DGKI: variants seen among roughly 807,000 people sequenced by gnomAD.
DGKI encodes DAG kinase iota.
In DGKI, 55 loss-of-function variants were observed where a neutral mutation model predicts 147.5. That is an observed-to-expected ratio of 0.37 (90% CI 0.30 to 0.47). The LOEUF (loss-of-function observed/expected upper bound fraction) is 0.47. Ranked by LOEUF, DGKI falls within the 20% of genes least tolerant of loss-of-function variation. The pLI is 1.00. For missense variants in DGKI, 1,007 were observed against 1,323.8 expected (o/e 0.76, Z 3.71); for synonymous variants, 469 against 477.1 (o/e 0.98, Z 0.22).
At chr7:137,605,140 T>C (rs1476316258) in intron 10 of DGKI, among the ~76,000 whole-genome samples, 1 of 151,838 alleles carries the variant, frequency 6.6e-6, no homozygotes, top group Non-Finnish European at 1.5e-5. Flanking sequence ...AAACCCCGTC[T>C]CTACTAAAAA....
intron 1 of DGKI, chr7:137,722,610 C>T: frequency 1.3e-6 from 2 of 1,584,750 alleles, no homozygotes; most frequent in Non-Finnish European, 1.7e-6. Context: ...ATGTAAAAAT[C>T]CCAAAACATC....
At chr7:137,634,670 C>T (rs1222235060) in intron 6 of DGKI, among the ~76,000 whole-genome samples, 1 of 152,166 alleles carries the variant, frequency 6.6e-6, no homozygotes, top group Non-Finnish European at 1.5e-5. Flanking sequence ...ACTATTATTA[C>T]AGTACCAGGT....
At chr7:137,767,701 C>T (rs193114875) in intron 1 of DGKI, among the ~76,000 whole-genome samples, 3 of 152,190 alleles carry the variant, frequency 2.0e-5, no homozygotes, top group Admixed American at 6.5e-5. Context: ...TCTGGAGCCT[C>T]GTTTACTTTG....
At chr7:137,700,140 T>C (rs1363937774) in intron 1 of DGKI, among the ~76,000 whole-genome samples, 1 of 152,138 alleles carries the variant, frequency 6.6e-6, no homozygotes, top group Non-Finnish European at 1.5e-5. Flanking sequence ...CACCTATGTG[T>C]TGAGGAGACA....
At chr7:137,556,730 A>G (rs1226526368) in intron 19 of DGKI, among the ~76,000 whole-genome samples, 1 of 152,198 alleles carries the variant, frequency 6.6e-6, no homozygotes, top group Non-Finnish European at 1.5e-5. Context: ...ATACTCTAAT[A>G]ATGTTAATTT....
intron 1 of DGKI, among the ~76,000 whole-genome samples, chr7:137,740,156 A>ATTC (rs1273585666): frequency 2.0e-5 from 3 of 152,198 alleles, no homozygotes; most frequent in African/African-American, 7.2e-5. Flanking sequence ...TGAAGCACAA[A>ATTC]TTCCATTTAT....
intron 21 of DGKI, among the ~76,000 whole-genome samples, chr7:137,505,784 T>TA (rs1384887986): frequency 5.4e-5 from 8 of 148,482 alleles, no homozygotes; most frequent in South Asian, 4.2e-4. Flanking sequence ...GAGAGCCAAT[T>TA]AAAAAACTGG....
chr7:137,650,535 T>C (rs941256027), intron 5 of DGKI, among the ~76,000 whole-genome samples: 2 of 152,058 alleles, frequency 1.3e-5, no homozygotes, highest in African/African-American at 4.8e-5. Flanking sequence ...TAATAGGAGG[T>C]AAGGTGTTTG....
chr7:137,626,683 G>A (rs1479041653), intron 6 of DGKI, among the ~76,000 whole-genome samples: 1 of 152,156 alleles, frequency 6.6e-6, no homozygotes, highest in African/African-American at 2.4e-5. Flanking sequence ...CTACTGTGTG[G>A]GAAGGAAAAG....
intron 23 of DGKI, among the ~76,000 whole-genome samples, chr7:137,472,398 T>A (rs1234183800): frequency 9.3e-6 from 1 of 107,346 alleles, no homozygotes; most frequent in Non-Finnish European, 1.8e-5. Context: ...CATATTATAA[T>A]TATTATATGT....
rs1811270848 is a variant in DGKI at position 137,389,173 on chromosome 7, A to C, written c.*2047T>G. The C allele has an allele frequency of 6.6e-6, 1 of 152,124 alleles. No homozygotes were observed. Among genetic ancestry groups the C allele is most frequent in the South Asian group, 2.1e-4 (1 of 4,816 alleles). 9.4% of individuals were successfully genotyped at this position (152,124 alleles called of 1,614,324 possible). On this transcript the variant is annotated 3_prime_UTR_variant, in exon 33 of 33. Coordinates refer to ENST00000614521, the MANE Select transcript of DGKI (RefSeq NM_001321708.2). ...CCGCCAACTAAAAATCCCCCAGCAA[A>C]AGCCCAGTGATTAAATTCTCCTGGA...
chr7:137,699,730 A>G (rs910708471), intron 1 of DGKI, among the ~76,000 whole-genome samples: 10 of 152,148 alleles, frequency 6.6e-5, no homozygotes, highest in African/African-American at 2.4e-4. Flanking sequence ...ACAACAAGAA[A>G]AGTGTATCAT....
intron 21 of DGKI, among the ~76,000 whole-genome samples, chr7:137,515,302 T>A (rs1816712364): frequency 6.6e-6 from 1 of 152,218 alleles, no homozygotes; most frequent in Admixed American, 6.5e-5. Context: ...ATTTATTCAA[T>A]TGTCTGTCTC....
intron 1 of DGKI, among the ~76,000 whole-genome samples, chr7:137,718,330 A>G (rs1335927810): frequency 6.6e-6 from 1 of 152,156 alleles, no homozygotes; most frequent in Non-Finnish European, 1.5e-5. Context: ...ATTGTAAGTA[A>G]ATAACAATGG....
chr7:137,690,326 G>A (rs1000782255), intron 1 of DGKI, among the ~76,000 whole-genome samples: 1 of 151,970 alleles, frequency 6.6e-6, no homozygotes, highest in Non-Finnish European at 1.5e-5. Context: ...AAGACCTAGG[G>A]TTTGGGCAGC....
At chr7:137,395,560 C>T in intron 32 of DGKI, 38 bp downstream of exon 32, 1 of 1,589,830 alleles carries the variant, frequency 6.3e-7, no homozygotes, top group Non-Finnish European at 8.6e-7. Context: ...TGCGATCTCG[C>T]CCAGCGGGAG....
At chr7:137,601,495 T>G (rs1460062490) in intron 10 of DGKI, among the ~76,000 whole-genome samples, 1 of 152,188 alleles carries the variant, frequency 6.6e-6, no homozygotes, top group African/African-American at 2.4e-5. Flanking sequence ...CATTTAAGAG[T>G]CATCCCAGTA....
chr7:137,676,157 A>C (rs1294786389), intron 3 of DGKI, among the ~76,000 whole-genome samples: 1 of 152,218 alleles, frequency 6.6e-6, no homozygotes, highest in Non-Finnish European at 1.5e-5. Flanking sequence ...AATTTTGTGA[A>C]GGACAGTGTA....
intron 1 of DGKI, among the ~76,000 whole-genome samples, chr7:137,696,316 C>G (rs927998015): frequency 4.6e-5 from 7 of 151,988 alleles, no homozygotes; most frequent in African/African-American, 1.2e-4. Context: ...TCAGAAAGCA[C>G]CGCACACTTT....
Sources: allele counts gnomAD v4.1 joint callset (sites outside exome capture counted in the v4.1 genomes callset), GRCh38; gene constraint gnomAD v4.1.1; transcripts MANE v1.5; gene names NCBI Gene and HGNC (gene_info 2026-07-23, HGNC 2026-07-21).